Variants in CCDC178 observed in about 807,000 individuals in gnomAD.
The protein encoded by CCDC178 is coiled-coil domain-containing protein 178.
A neutral mutation model predicts 117.4 loss-of-function variants in CCDC178; 126 were observed. That is an observed-to-expected ratio of 1.07 (90% confidence interval 0.93 to 1.24). The LOEUF is 1.24. Among genes scored for constraint, CCDC178 ranks in the 50% most tolerant of loss-of-function variants. The pLI is 0.00. For missense variants in CCDC178, 1,030 were observed against 986.9 expected (o/e 1.04, Z -0.59); for synonymous variants, 283 against 313.4 (o/e 0.90, Z 1.02).
intron 20 of CCDC178, among the ~76,000 whole-genome samples, chr18:33,198,385 T>G (rs772975393): frequency 6.6e-6 from 1 of 152,200 alleles, no homozygotes; most frequent in East Asian, 1.9e-4. Flanking sequence ...GTGGAACACT[T>G]TAGGCTAAGA....
At chr18:33,213,966 A>C (rs1268705969) in intron 19 of CCDC178, among the ~76,000 whole-genome samples, 1 of 152,048 alleles carries the variant, frequency 6.6e-6, no homozygotes, top group Non-Finnish European at 1.5e-5. Context: ...TGAGTTCTCA[A>C]TAAATAATAA....
chr18:33,036,663 C>T lies in CCDC178; in HGVS notation c.2388+56098G>A, dbSNP rs539833260. Among the ~76,000 whole-genome samples, 10 of 151,852 alleles carry T rather than the reference C, an allele frequency of 6.6e-5. No homozygotes were observed. The South Asian group carries it at 8.3e-4, about 13-fold the overall frequency. On this transcript the variant is annotated intron_variant, in intron 21 of 22. Coordinates refer to ENST00000383096, the MANE Select transcript of CCDC178 (RefSeq NM_001105528.4). ...GAGAACTGCACACAACTCGGTAATGCGAGAGTCTACAGTGTAAAGATGGAT... is the reference window on the plus strand; with the variant it reads ...GAGAACTGCACACAACTCGGTAATGTGAGAGTCTACAGTGTAAAGATGGAT...
In CCDC178 at chr18:33,001,733, T is replaced by C. The variant is rs535508453; in HGVS notation, c.2389-27052A>G. ...AACCTCTCCAGTCAAAAGACATAGA[T>C]TGTATGAATGGATTAAAAAAAGAAG... On this transcript the variant is annotated intron_variant, in intron 21 of 22. Coordinates refer to ENST00000383096, the MANE Select transcript of CCDC178 (RefSeq NM_001105528.4). 2.8e-3 allele frequency among the ~76,000 whole-genome samples: 430 copies of C among 151,832 alleles called. 1 individual carries two copies. Among genetic ancestry groups the C allele is most frequent in the Non-Finnish European group, 4.9e-3 (332 of 67,926 alleles).
chr18:33,074,287 G>C (rs1470897989), intron 21 of CCDC178, among the ~76,000 whole-genome samples: 3 of 151,986 alleles, frequency 2.0e-5, no homozygotes, highest in African/African-American at 7.2e-5. Flanking sequence ...ACTGAACACA[G>C]ATTAAGAAAG....
chr18:33,161,789 G>A (rs1486664191), intron 20 of CCDC178, among the ~76,000 whole-genome samples: 1 of 152,062 alleles, frequency 6.6e-6, no homozygotes, highest in Admixed American at 6.6e-5. Flanking sequence ...TGGTGTATAT[G>A]TGCCACATTT....
intron 21 of CCDC178, among the ~76,000 whole-genome samples, chr18:33,013,453 T>C (rs1015817952): frequency 2.0e-5 from 3 of 152,194 alleles, no homozygotes; most frequent in African/African-American, 7.2e-5. Context: ...TACTTATCTT[T>C]GGCTTTGGGT....
intron 2 of CCDC178, among the ~76,000 whole-genome samples, chr18:33,429,040 A>C (rs932038451): frequency 6.6e-6 from 1 of 151,690 alleles, no homozygotes; most frequent in Non-Finnish European, 1.5e-5. Flanking sequence ...AAAAAAAACA[A>C]GAGAAATATG....
intron 20 of CCDC178, among the ~76,000 whole-genome samples, chr18:33,165,721 A>T (rs776452958): frequency 1.3e-4 from 19 of 151,966 alleles, no homozygotes; most frequent in Non-Finnish European, 1.8e-4. Context: ...TGTTTTATTT[A>T]AAAAAAAGGC....
intron 21 of CCDC178, among the ~76,000 whole-genome samples, chr18:32,994,422 A>C (rs1438137807): frequency 6.6e-6 from 1 of 152,304 alleles, no homozygotes; most frequent in East Asian, 1.9e-4. Flanking sequence ...CATCACCTGT[A>C]AAATAATTTT....
chr18:33,354,376 ATTCTCTAGCCCTTTC>A (rs1380400189), intron 7 of CCDC178, among the ~76,000 whole-genome samples: 1 of 151,984 alleles, frequency 6.6e-6, no homozygotes, highest in Non-Finnish European at 1.5e-5. Context: ...ATATTTTTTC[ATTCTCTAGCCCTTTC>A]TTCTCACTTT....
At chr18:33,398,541 C>T (rs973062352) in intron 3 of CCDC178, among the ~76,000 whole-genome samples, 3 of 152,176 alleles carry the variant, frequency 2.0e-5, no homozygotes, top group East Asian at 3.8e-4. Context: ...CTCTCTCCTT[C>T]AACACACAAG....
intron 10 of CCDC178, among the ~76,000 whole-genome samples, chr18:33,330,005 C>G (rs1245200703): frequency 7.8e-6 from 1 of 127,848 alleles, no homozygotes; most frequent in African/African-American, 3.0e-5. Context: ...CTTATTCAAT[C>G]TCTTTACTTG....
At chr18:32,948,459 A>G (rs1023419384) in intron 22 of CCDC178, among the ~76,000 whole-genome samples, 1 of 152,090 alleles carries the variant, frequency 6.6e-6, no homozygotes, top group Non-Finnish European at 1.5e-5. Context: ...TTGTCTTCTT[A>G]GTTTCAACAT....
At chr18:33,122,855 T>A (rs2057955543) in intron 20 of CCDC178, among the ~76,000 whole-genome samples, 1 of 152,182 alleles carries the variant, frequency 6.6e-6, no homozygotes, top group African/African-American at 2.4e-5. Context: ...CAAGCCTCAG[T>A]GTTCTATGAA....
chr18:33,428,053 A>G (rs1477727336), intron 2 of CCDC178, among the ~76,000 whole-genome samples: 1 of 152,220 alleles, frequency 6.6e-6, no homozygotes, highest in Non-Finnish European at 1.5e-5. Flanking sequence ...ATTCTTATGA[A>G]AAAACTATTT....
chr18:33,290,252 G>A (rs2060150755), intron 12 of CCDC178, among the ~76,000 whole-genome samples: 1 of 152,082 alleles, frequency 6.6e-6, no homozygotes, highest in African/African-American at 2.4e-5. Flanking sequence ...ATTAGAACAT[G>A]AATTAAACCA....
rs2144630780 is a variant in CCDC178, at chr18:33,224,848, T to A, written c.1745A>T (p.Glu582Val). 3.8e-6 allele frequency: 6 copies of A among 1,583,224 alleles called. No homozygotes were observed. The East Asian group carries it at 1.4e-4, about 37-fold the overall frequency. The change falls in exon 17 of 23, where the codon GAA becomes GTA. Residue 582 changes from glutamate to valine, a missense_variant. Glu to Val is a moderately radical substitution (Grantham distance 121). Transcript: ENST00000383096. ...TAGTTGAAGCAGAGGTTCCTGTAGTTCTGCCAGTGACATGGCACATATTGC... is the reference window on the plus strand; with the variant it reads ...TAGTTGAAGCAGAGGTTCCTGTAGTACTGCCAGTGACATGGCACATATTGC... ...NRAICAMSLA[E>V]LQEPLLQLED...
chr18:33,155,654 A>AT (rs575398903), intron 20 of CCDC178, among the ~76,000 whole-genome samples: 9 of 152,100 alleles, frequency 5.9e-5, no homozygotes, highest in Admixed American at 1.3e-4. Context: ...ATCTCAGGCA[A>AT]TTTTTTTGTC....
chr18:33,149,265 G>T (rs895280898), intron 20 of CCDC178, among the ~76,000 whole-genome samples: 2 of 152,194 alleles, frequency 1.3e-5, no homozygotes, highest in African/African-American at 4.8e-5. Context: ...AAGCCAGAAA[G>T]CAAATGGTTA....
Sources: allele counts gnomAD v4.1 joint callset (sites outside exome capture counted in the v4.1 genomes callset), GRCh38; gene constraint gnomAD v4.1.1; transcripts MANE v1.5; gene names NCBI Gene and HGNC (gene_info 2026-07-23, HGNC 2026-07-21).